Variants in MAP3K9 observed in about 807,000 individuals in gnomAD.
MAP3K9 encodes mitogen-activated protein kinase kinase kinase 9, also known as mixed lineage kinase 1 (tyr and ser/thr specificity).
MAP3K9 carries 46 observed loss-of-function variants against 95.8 expected under a neutral mutation model. The observed-to-expected ratio is 0.48, with a 90% confidence interval of 0.38 to 0.61. MAP3K9 has a LOEUF of 0.61. Among genes scored for constraint, MAP3K9 ranks in the 20% least tolerant of loss-of-function variants. MAP3K9 has a pLI of 0.00. For missense variants in MAP3K9, 1,296 were observed against 1,474.3 expected, an observed-to-expected ratio of 0.88 and a Z score of 1.98; for synonymous variants, 533 against 593.8, an observed-to-expected ratio of 0.90 and a Z score of 1.49.
chr14:70,748,972 A>G lies in MAP3K9; in HGVS notation c.1183T>C (p.Ser395Pro). 1 of 1,613,968 alleles carries G rather than the reference A, an allele frequency of 6.2e-7. No homozygotes were observed. The highest frequency in any genetic ancestry group is 8.5e-7 in the Non-Finnish European group (1 of 1,179,962). ...CWNPDPHSRP[S>P]FTNILDQLTT... ...AGCTGGTCCAGGATATTCGTGAAAG[A>G]TGGTCGTGAGTGGGGATCAGGATTC... is the stretch of plus-strand genomic sequence containing the variant. The change falls in exon 5 of 12, where the codon TCT becomes CCT. Residue 395 changes from serine to proline, a missense_variant. Coordinates refer to ENST00000554752, the MANE Select transcript of MAP3K9 (RefSeq NM_001284230.2).
chr14:70,742,643 GGGGCTC>G, intron 5 of MAP3K9, 52 bp from the exon 6 acceptor site: 1 of 1,580,812 alleles, frequency 6.3e-7, no homozygotes, highest in South Asian at 1.2e-5. Flanking sequence ...TCAGTGCAGA[GGGGCTC>G]TGGGGTGAGG....
At chr14:70,796,309 T>TA (rs1306154569) in intron 2 of MAP3K9, among the ~76,000 whole-genome samples, 3 of 152,196 alleles carry the variant, frequency 2.0e-5, no homozygotes, top group Non-Finnish European at 4.4e-5. Context: ...GCGTGATGCT[T>TA]AAGTTAATGA....
rs1426424963 is a variant in MAP3K9, at chr14:70,734,482, C to T, written c.1930G>A (p.Asp644Asn). Reference protein sequence around the residue: ...HFHLGLKSLVDGYKQWSSSAP... With the variant: ...HFHLGLKSLVNGYKQWSSSAP... ...CTGGACGACCACTGCTTATATCCAT[C>T]TACCAGGGACTTGAGGCTGAATCAG... The change falls in exon 10 of 12, where the codon GAT becomes AAT. Residue 644 changes from aspartate (D) to asparagine (N), a missense_variant. Asp to Asn is a conservative substitution (Grantham distance 23, BLOSUM62 1). Around this residue, in one of 5 missense-constraint regions of MAP3K9, gnomAD observed 377 missense variants for 417.1 expected, o/e 0.90. Coordinates refer to ENST00000554752, the MANE Select transcript of MAP3K9 (RefSeq NM_001284230.2). 2 of 1,606,756 alleles carry T rather than the reference C, an allele frequency of 1.2e-6. No individual in the cohort carries two copies. Among genetic ancestry groups the T allele is most frequent in the African/African-American group, 1.3e-5 (1 of 74,704 alleles).
At chr14:70,797,118 T>G (rs1394668616) in intron 2 of MAP3K9, among the ~76,000 whole-genome samples, 1 of 152,202 alleles carries the variant, frequency 6.6e-6, no homozygotes, top group Non-Finnish European at 1.5e-5. Context: ...GCTAGGGGTT[T>G]ATCATCAACT....
chr14:70,803,034 G>A (rs928446618), intron 1 of MAP3K9, among the ~76,000 whole-genome samples: 9 of 151,938 alleles, frequency 5.9e-5, no homozygotes, highest in East Asian at 5.8e-4. Context: ...GTTCTTGCTC[G>A]AATTCACACA....
intron 2 of MAP3K9, among the ~76,000 whole-genome samples, chr14:70,761,562 A>C (rs539499870): frequency 2.6e-5 from 4 of 152,282 alleles, no homozygotes; most frequent in African/African-American, 9.6e-5. Flanking sequence ...TAGGAGTTTG[A>C]CACCTGCCTG....
At chr14:70,799,465 G>A (rs373760546) in intron 2 of MAP3K9, among the ~76,000 whole-genome samples, 2 of 151,974 alleles carry the variant, frequency 1.3e-5, no homozygotes, top group Non-Finnish European at 2.9e-5. Flanking sequence ...TCAGCCTCCC[G>A]AGTAGCTGGG....
chr14:70,800,045 A>T (rs966087529), intron 2 of MAP3K9, among the ~76,000 whole-genome samples: 2 of 152,210 alleles, frequency 1.3e-5, no homozygotes, highest in African/African-American at 4.8e-5. Flanking sequence ...TGGATTCTGG[A>T]TATTTAATAA....
At chr14:70,739,536 ATGTG>A (rs1184663953) in intron 7 of MAP3K9, among the ~76,000 whole-genome samples, 1 of 151,686 alleles carries the variant, frequency 6.6e-6, no homozygotes, top group Non-Finnish European at 1.5e-5. Context: ...ACTTACATGT[ATGTG>A]TGAGTATTTT....
At chr14:70,799,184 TAA>T (rs896588076) in intron 2 of MAP3K9, among the ~76,000 whole-genome samples, 11 of 150,512 alleles carry the variant, frequency 7.3e-5, no homozygotes, top group Non-Finnish European at 1.5e-4. Flanking sequence ...TAATTTTTTT[TAA>T]GAGATGGGGT....
chr14:70,742,074 G>A (rs1594771099), intron 6 of MAP3K9, among the ~76,000 whole-genome samples: 1 of 152,190 alleles, frequency 6.6e-6, no homozygotes, highest in African/African-American at 2.4e-5. Context: ...AAAGTGAGAT[G>A]TGCCCCTGTG....
At chr14:70,737,209 A>G (rs1206738739) in intron 8 of MAP3K9, among the ~76,000 whole-genome samples, 1 of 152,192 alleles carries the variant, frequency 6.6e-6, no homozygotes, top group Admixed American at 6.5e-5. Context: ...ATTGCATGAG[A>G]AGCAGGAAGT....
chr14:70,796,441 G>T (rs146912563), intron 2 of MAP3K9, among the ~76,000 whole-genome samples: 21 of 152,280 alleles, frequency 1.4e-4, no homozygotes, highest in South Asian at 8.3e-4. Flanking sequence ...AGTTCATACC[G>T]ATGCATGTCC....
Position 70,742,594 on chromosome 14 carries a change from G to A in MAP3K9, c.1327-3C>T. ...TCCTCCTCCCAGGTGCGAAGTTCCT[G>A]CAGGATGGGCAGAACCATCAGAGAA... On this transcript the variant is annotated splice_region_variant and splice_polypyrimidine_tract_variant and intron_variant, in intron 5 of 11. Coordinates refer to ENST00000554752, the MANE Select transcript of MAP3K9 (RefSeq NM_001284230.2). 6.2e-7 allele frequency: 1 copy of A among 1,613,434 alleles called. No homozygotes were observed. The highest frequency in any genetic ancestry group is 8.5e-7 in the Non-Finnish European group (1 of 1,179,656).
chr14:70,742,722 G>A, intron 5 of MAP3K9, 131 bp from the exon 6 acceptor site: 1 of 1,025,528 alleles, frequency 9.8e-7, no homozygotes, highest in South Asian at 1.7e-5. Flanking sequence ...TCAGTGAAGA[G>A]AGAGGACTCG....
rs768445956 is a variant in MAP3K9 at position 70,800,778 on chromosome 14, T to C, written c.709A>G (p.Ile237Val). 6.2e-7 allele frequency: 1 copy of C among 1,614,120 alleles called. No homozygotes were observed. Among genetic ancestry groups the C allele is most frequent in the Non-Finnish European group, 8.5e-7 (1 of 1,180,010 alleles). ...PLNRVLSGKR[I>V]PPDILVNWAV... ...CAATTCACCAGGATGTCTGGGGGAA[T>C]CCTTTTCCCAGATAACACTCTATTC... Residue 237 changes from isoleucine to valine, a missense_variant, in exon 2 of 12, where the codon ATT (isoleucine) becomes GTT (valine). Physicochemically the swap from Ile to Val is conservative, Grantham distance 29. Coordinates refer to ENST00000554752, the MANE Select transcript of MAP3K9 (RefSeq NM_001284230.2).
rs527491125 is a variant in MAP3K9, at chr14:70,726,964, G to A, written c.*3416C>T. On this transcript the variant is annotated 3_prime_UTR_variant, in exon 12 of 12. Coordinates refer to ENST00000554752, the MANE Select transcript of MAP3K9 (RefSeq NM_001284230.2). ...ACAAGCCTATGGCCACACAGCAAAAGCAGAATGGGGAATGCAGCCAACCTG... is the reference window on the plus strand; with the variant it reads ...ACAAGCCTATGGCCACACAGCAAAAACAGAATGGGGAATGCAGCCAACCTG... The A allele has an allele frequency of 6.6e-6, 1 of 152,356 alleles. No homozygotes were observed. Among genetic ancestry groups the A allele is most frequent in the South Asian group, 2.1e-4 (1 of 4,824 alleles). The allele number at this position is 152,356 out of a possible 1,614,324, so 9.4% of individuals were successfully genotyped here.
At chr14:70,751,082 C>A (rs2054220656) in intron 3 of MAP3K9, among the ~76,000 whole-genome samples, 1 of 152,078 alleles carries the variant, frequency 6.6e-6, no homozygotes, top group African/African-American at 2.4e-5. Flanking sequence ...GGAAAAGTTT[C>A]ACAAGGGTAG....
At chr14:70,790,121 C>T (rs1478700450) in intron 2 of MAP3K9, among the ~76,000 whole-genome samples, 3 of 152,128 alleles carry the variant, frequency 2.0e-5, no homozygotes, top group African/African-American at 7.2e-5. Flanking sequence ...CAGGATGGTT[C>T]ATGTGACCAG....
Sources: allele counts gnomAD v4.1 joint callset (sites outside exome capture counted in the v4.1 genomes callset), GRCh38; gene constraint gnomAD v4.1.1; regional missense constraint gnomAD v4.1.1; transcripts MANE v1.5; gene names NCBI Gene and HGNC (gene_info 2026-07-23, HGNC 2026-07-21).